Variants in PKD1 observed in about 807,000 individuals in gnomAD.
The protein encoded by PKD1 is polycystin 1, transient receptor potential channel interacting.
A neutral mutation model predicts 361.7 loss-of-function variants in PKD1; 81 were observed. That is an observed-to-expected ratio of 0.22 (90% CI 0.19 to 0.27). PKD1 has a LOEUF of 0.27. Among genes scored for constraint, PKD1 ranks in the 10% least tolerant of loss-of-function variants. The pLI is 1.00. For synonymous variants in PKD1, 3,615 were observed against 2,818.3 expected, an observed-to-expected ratio of 1.28 and a Z score of -8.95; for missense variants, 6,399 against 6,118.3, an observed-to-expected ratio of 1.05 and a Z score of -1.53.
rs189613880 is a variant in PKD1, at chr16:2,127,359, T to A, written c.216-7981A>T. 7.8e-4 allele frequency among the ~76,000 whole-genome samples: 119 copies of A among 152,230 alleles called. 2 individuals carry two copies. In the East Asian group the frequency reaches 0.021, roughly 26 times the overall value. On this transcript the variant is annotated intron_variant, in intron 1 of 45. Coordinates refer to ENST00000262304, the MANE Select transcript of PKD1 (RefSeq NM_001009944.3). ...AGGCACCAATGGGCAAACACCCAGA[T>A]GTAGGCACAAGCAGGAGTGGGCCGG...
intron 22 of PKD1, among the ~76,000 whole-genome samples, chr16:2,104,226 G>A (rs1296582001): frequency 1.2e-4 from 4 of 32,062 alleles, no homozygotes; most frequent in African/African-American, 4.3e-4. Flanking sequence ...GGATGAGGGG[G>A]ATGAGGAAGA....
chr16:2,093,249 A>G (rs1428265228), intron 37 of PKD1, 156 bp from the exon 38 acceptor site: 2 of 876,948 alleles, frequency 2.3e-6, no homozygotes, highest in Non-Finnish European at 3.6e-6. Context: ...GGGTAATGGC[A>G]GCACACACCC....
rs2432399 is a variant in PKD1, at chr16:2,113,147, C to T, written c.2985+14G>A. ...CCGCCCCATCCCCTCCCCTCCCCAC[C>T]CCCGCCCACCTACTGAGAGCTTGAA... On this transcript the variant is annotated intron_variant, in intron 12 of 45. Coordinates refer to ENST00000262304, the MANE Select transcript of PKD1 (RefSeq NM_001009944.3). 4 of 753,708 alleles carry T rather than the reference C, an allele frequency of 5.3e-6. No homozygotes were observed. Among genetic ancestry groups the T allele is most frequent in the African/African-American group, 3.5e-5 (2 of 57,496 alleles). 46.7% of individuals were successfully genotyped at this position (753,708 alleles called of 1,614,324 possible).
Position 2,115,581 on chromosome 16 carries a change from T to G in PKD1, c.1894A>C (p.Asn632His), listed in dbSNP as rs763213387. The G allele has an allele frequency of 6.3e-6, 10 of 1,594,662 alleles. No homozygotes were observed. Among genetic ancestry groups the G allele is most frequent in the Non-Finnish European group, 7.7e-6 (9 of 1,170,098 alleles). Residue 632 changes from asparagine (N) to histidine (H), a missense_variant, in exon 10 of 46, where the codon AAC becomes CAC. Transcript: ENST00000262304. ...GSEPESRSPDNRTQLAPACMP... is the reference protein window; with the variant it reads ...GSEPESRSPDHRTQLAPACMP... The stretch of plus-strand genomic sequence containing the variant: ...CACGCGGGGGCCAGCTGGGTCCTGT[T>G]GTCCGGGGACCTGCTCTCAGGCTCG...
At position 2,112,963 on chromosome 16, in the gene PKD1, G is replaced by A. The variant is rs2151807298; in HGVS notation, c.2986C>T (p.Leu996=). The change falls in exon 13 of 46, where the codon CTG becomes TTG. Residue 996 remains leucine, a splice_region_variant and synonymous_variant. Transcript: ENST00000262304. ...TTGCTCACGTGGTTGGAGGCCGTCA[G>A]CTGCAGGGACAGGCGTCAGTGAGCC... ...YQSAAVFKLS[L]TASNHVSNVT... 2 of 1,598,940 alleles carry A rather than the reference G, an allele frequency of 1.3e-6. No individual in the cohort carries two copies. The highest frequency in any genetic ancestry group is 1.7e-6 in the Non-Finnish European group (2 of 1,179,558).
In PKD1 at chr16:2,091,432, C is replaced by T; in HGVS notation, c.11703G>A (p.Leu3901=). The change falls in exon 42 of 46, where the codon CTG becomes CTA. Residue 3901 remains leucine, a synonymous_variant. Coordinates refer to ENST00000262304, the MANE Select transcript of PKD1 (RefSeq NM_001009944.3). ...CCGGGGACGGGCGTACCGAGGTGAG[C>T]AGAGGCAGCGAGAGGCCCGCGCTGA... The part of the protein sequence containing the change: ...RRLSAGLSLP[L]LTSVCLLLFA... The T allele has an allele frequency of 8.5e-7, 1 of 1,182,906 alleles. No homozygotes were observed. Among genetic ancestry groups the T allele is most frequent in the Non-Finnish European group, 1.0e-6 (1 of 954,822 alleles). The allele number at this position is 1,182,906 out of a possible 1,614,324, so 73.3% of individuals were successfully genotyped here.
intron 34 of PKD1, among the ~76,000 whole-genome samples, chr16:2,095,928 A>G (rs1294264171): frequency 1.3e-5 from 2 of 152,214 alleles, no homozygotes; most frequent in Non-Finnish European, 2.9e-5. Flanking sequence ...TTTTAAAACC[A>G]ACCAGCAATT....
In PKD1 at chr16:2,114,972, C is replaced by T. The variant is rs746209416; in HGVS notation, c.2098-47G>A. 6 of 1,523,456 alleles carry T rather than the reference C, an allele frequency of 3.9e-6. No homozygotes were observed. In the South Asian group the frequency reaches 7.2e-5, roughly 18 times the overall value. 94.4% of individuals were successfully genotyped at this position (1,523,456 alleles called of 1,614,324 possible). ...TGCATCACGTCCTCACGGTCATGGC[C>T]CGTGGACCCCCGCACGACGGATGAG... On this transcript the variant is annotated intron_variant, in intron 10 of 45. Transcript: ENST00000262304.
intron 26 of PKD1, among the ~76,000 whole-genome samples, chr16:2,101,256 T>G (rs962865770): frequency 6.6e-6 from 1 of 152,128 alleles, no homozygotes; most frequent in Non-Finnish European, 1.5e-5. Flanking sequence ...AGTGCTCGGA[T>G]TACAGGTGTG....
intron 1 of PKD1, among the ~76,000 whole-genome samples, chr16:2,125,496 G>A (rs1203163751): frequency 6.6e-6 from 1 of 150,872 alleles, no homozygotes; most frequent in Non-Finnish European, 1.5e-5. Context: ...AGATGCCGGG[G>A]GTGACATGGG....
chr16:2,110,584 G>T lies in PKD1; in HGVS notation c.4583C>A (p.Ala1528Asp). The T allele has an allele frequency of 1.2e-6, 2 of 1,610,946 alleles. No individual in the cohort carries two copies. The highest frequency in any genetic ancestry group is 8.5e-7 in the Non-Finnish European group (1 of 1,179,778). Residue 1528 changes from alanine (A) to aspartate (D), a missense_variant, in exon 15 of 46, where the codon GCC (alanine) becomes GAC (aspartate). Physicochemically the swap from Ala to Asp is moderately radical, Grantham distance 126. Coordinates refer to ENST00000262304, the MANE Select transcript of PKD1 (RefSeq NM_001009944.3). ...GCTGCGGCTCACCTCATTCCAGCCGGCCACCCTAACGGTGAAGTCACCTGT... is the reference window on the plus strand; with the variant it reads ...GCTGCGGCTCACCTCATTCCAGCCGTCCACCCTAACGGTGAAGTCACCTGT... The part of the protein sequence containing the change: ...NSTGDFTVRV[A>D]GWNEVSRSEA...
intron 1 of PKD1, among the ~76,000 whole-genome samples, chr16:2,124,150 G>A (rs1199172444): frequency 1.3e-5 from 2 of 152,208 alleles, no homozygotes; most frequent in African/African-American, 4.8e-5. Context: ...ACAGCAGAGG[G>A]TGTGGCCAGG....
chr16:2,095,426 TAAA>T, intron 34 of PKD1: 1 of 152,072 alleles, frequency 6.6e-6, no homozygotes, highest in South Asian at 2.1e-4. Context: ...TAAATAAAAA[TAAA>T]AAATAACCCA....
In PKD1 at chr16:2,109,275, G is replaced by A. The variant is rs199688830; in HGVS notation, c.5892C>T (p.Arg1964=). Residue 1964 remains arginine, a synonymous_variant, in exon 15 of 46, where the codon CGC becomes CGT. Transcript: ENST00000262304. ...NHVSWAQAQV[R]IVVLEAVSGL... is the part of the protein sequence containing the mutation. Reference sequence around the variant, plus strand: ...CACTCACGGCCTCCAGCACCACGATGCGCACCTGCGCCTGGGCCCAGCTCA... The same window carrying A: ...CACTCACGGCCTCCAGCACCACGATACGCACCTGCGCCTGGGCCCAGCTCA... 4.4e-5 allele frequency: 70 copies of A among 1,583,778 alleles called. No homozygotes were observed. In the Middle Eastern group the frequency reaches 1.8e-3, roughly 41 times the overall value.
chr16:2,112,443 G>T lies in PKD1; in HGVS notation c.3192C>A (p.Leu1064=). ...CGTTGTACGGAGGCTGGAACTGGTG[G>T]AGGGCCTGCTCCCCATCCCCAAAGG... is the stretch of plus-strand genomic sequence containing the variant. The part of the protein sequence containing the change: ...LWTFGDGEQA[L]HQFQPPYNES... Residue 1064 remains leucine (L), a synonymous_variant, in exon 14 of 46, where the codon CTC becomes CTA. Transcript: ENST00000262304. 1 of 1,587,072 alleles carries T rather than the reference G, an allele frequency of 6.3e-7. No homozygotes were observed. The highest frequency in any genetic ancestry group is 1.3e-5 in the African/African-American group (1 of 74,598).
intron 16 of PKD1, chr16:2,107,470 C>G: frequency 2.7e-6 from 1 of 369,256 alleles, no homozygotes; most frequent in Admixed American, 4.0e-5. Flanking sequence ...CAGGCCCCGC[C>G]TGACAGCAGC....
rs773875298 is a variant in PKD1 at position 2,091,478 on chromosome 16, C to T, written c.11657G>A (p.Arg3886His). The stretch of plus-strand genomic sequence containing the variant: ...GCTGAGGCGGCGCAGCGCAAAGGGG[C>T]GGACGCTGAGGGCGGCCAGGGCGCG... Reference protein sequence around the residue: ...AGRALAALSVRPFALRRLSAG... With the variant: ...AGRALAALSVHPFALRRLSAG... Residue 3886 changes from arginine to histidine, a missense_variant, in exon 42 of 46, where the codon CGC (arginine) becomes CAC (histidine). Arg to His is a conservative substitution (Grantham distance 29). Coordinates refer to ENST00000262304, the MANE Select transcript of PKD1 (RefSeq NM_001009944.3). The T allele has an allele frequency of 2.9e-6, 4 of 1,364,794 alleles. No homozygotes were observed. Among genetic ancestry groups the T allele is most frequent in the Non-Finnish European group, 3.8e-6 (4 of 1,065,038 alleles). The allele number at this position is 1,364,794 out of a possible 1,614,324, so 84.5% of individuals were successfully genotyped here. A position where few individuals can be genotyped will look rare whatever the true frequency, so the allele number is the denominator to read the frequency against.
rs538031465 is a variant in PKD1 at position 2,106,172 on chromosome 16, G to A, written c.7622C>T (p.Pro2541Leu). Reference sequence around the variant, plus strand: ...CACCTCGAAGTGTGGCCTGAAACCCGGGGGCAGCACGGCTCCGTAGCTGGA... The same window carrying A: ...CACCTCGAAGTGTGGCCTGAAACCCAGGGGCAGCACGGCTCCGTAGCTGGA... ...SLSSYGAVLP[P>L]GFRPHFEVGL... The change falls in exon 19 of 46, where the codon CCG becomes CTG. Residue 2541 changes from proline (P) to leucine (L), a missense_variant. Physicochemically the swap from Pro to Leu is moderately conservative, Grantham distance 98. Transcript: ENST00000262304. This position sits in a 1 kb window ranked among gnomAD's most constrained non-coding sequence, Gnocchi z 6.5. 341 of 1,608,236 alleles carry A rather than the reference G, an allele frequency of 2.1e-4. No individual in the cohort carries two copies. Among genetic ancestry groups the A allele is most frequent in the South Asian group, 9.8e-4 (89 of 90,850 alleles).
chr16:2,101,035 G>C (rs1034110010), intron 26 of PKD1, among the ~76,000 whole-genome samples: 1 of 151,936 alleles, frequency 6.6e-6, no homozygotes, highest in Admixed American at 6.6e-5. Flanking sequence ...ACCCAGGCTG[G>C]AGTGCAGTGG....
Sources: allele counts gnomAD v4.1 joint callset (sites outside exome capture counted in the v4.1 genomes callset), GRCh38; gene constraint gnomAD v4.1.1; non-coding constraint Gnocchi (gnomAD v3.1); transcripts MANE v1.5; gene names NCBI Gene and HGNC (gene_info 2026-07-23, HGNC 2026-07-21).